The following SPPL3 variants were observed in gnomAD, a reference collection of about 807,000 sequenced individuals.
The protein encoded by SPPL3 is signal peptide peptidase-like 3.
In SPPL3, 5 loss-of-function variants were observed where a neutral mutation model predicts 42.4. That is an observed-to-expected ratio of 0.12 (90% CI 0.06 to 0.25). The LOEUF is 0.25. SPPL3 is among the 10% of genes least tolerant of loss of function. The pLI is 1.00. For synonymous variants in SPPL3, 195 were observed against 181.8 expected (o/e 1.07, Z -0.58); for missense variants, 235 against 489.0 (o/e 0.48, Z 4.90).
At chr12:120,875,743 T>C (rs1873066611) in intron 1 of SPPL3, among the ~76,000 whole-genome samples, 1 of 151,892 alleles carries the variant, frequency 6.6e-6, no homozygotes, top group Admixed American at 6.6e-5. Context: ...AAAAAAATTT[T>C]AACATAAGCA....
intron 1 of SPPL3, among the ~76,000 whole-genome samples, chr12:120,854,524 T>C (rs894752344): frequency 3.3e-5 from 5 of 152,160 alleles, no homozygotes; most frequent in African/African-American, 1.2e-4. Context: ...GCTACACCTA[T>C]AAATCACTAA....
intron 1 of SPPL3, among the ~76,000 whole-genome samples, chr12:120,844,073 A>G (rs1871933246): frequency 6.6e-6 from 1 of 152,242 alleles, no homozygotes; most frequent in African/African-American, 2.4e-5. Context: ...TGCCAGTCAT[A>G]TATTTGATTG....
rs1442426553 is a variant in SPPL3 at position 120,863,628 on chromosome 12, T to G, written c.23+40217A>C. On this transcript the variant is annotated intron_variant, in intron 1 of 10. Transcript: ENST00000353487. ...AATCGTAGATATTATTCTTCAATAC[T>G]GAAATGAAATTCTACAGATGGTAGG... Among the ~76,000 whole-genome samples, 2 of 152,268 alleles carry G rather than the reference T, an allele frequency of 1.3e-5. 1 individual carries two copies. Among genetic ancestry groups the G allele is most frequent in the Non-Finnish European group, 2.9e-5 (2 of 68,014 alleles).
At chr12:120,775,182 ACT>A (rs1045539704) in intron 6 of SPPL3, among the ~76,000 whole-genome samples, 1 of 152,064 alleles carries the variant, frequency 6.6e-6, no homozygotes, top group Non-Finnish European at 1.5e-5. Context: ...GCAGAGTCTC[ACT>A]CTGTTGCCCA....
At chr12:120,772,147 G>A (rs112550588) in intron 6 of SPPL3, among the ~76,000 whole-genome samples, 6,385 of 152,106 alleles carry the variant, frequency 0.042, 184 homozygotes, top group South Asian at 0.11. Flanking sequence ...TCAGCCTCCC[G>A]AGTAGCCGGG....
chr12:120,867,906 C>T (rs980427159), intron 1 of SPPL3, among the ~76,000 whole-genome samples: 7 of 151,888 alleles, frequency 4.6e-5, no homozygotes, highest in African/African-American at 1.7e-4. Context: ...TGCCACCACA[C>T]CCAGCTAAAT....
intron 1 of SPPL3, among the ~76,000 whole-genome samples, chr12:120,864,430 G>A (rs1323531163): frequency 6.6e-6 from 1 of 152,190 alleles, no homozygotes; most frequent in African/African-American, 2.4e-5. Flanking sequence ...AGCTACTTGG[G>A]AGGCTGAGGC....
intron 1 of SPPL3, among the ~76,000 whole-genome samples, chr12:120,828,454 G>A (rs1304981506): frequency 6.6e-6 from 1 of 151,674 alleles, no homozygotes; most frequent in African/African-American, 2.4e-5. Context: ...TCAAATAGAA[G>A]GAAGGAAGTA....
chr12:120,865,706 C>T (rs73214898), intron 1 of SPPL3, among the ~76,000 whole-genome samples: 6,360 of 152,260 alleles, frequency 0.042, 184 homozygotes, highest in South Asian at 0.12. Context: ...GAGGAGCCTA[C>T]GCTCTACAGC....
intron 2 of SPPL3, among the ~76,000 whole-genome samples, chr12:120,794,617 C>T (rs1034298773): frequency 3.3e-5 from 5 of 152,024 alleles, no homozygotes; most frequent in East Asian, 1.9e-4. Flanking sequence ...AGGCTGGTCT[C>T]GAACTCCTGA....
chr12:120,896,960 T>C (rs1241623186), intron 1 of SPPL3, among the ~76,000 whole-genome samples: 2 of 152,142 alleles, frequency 1.3e-5, no homozygotes, highest in Non-Finnish European at 2.9e-5. Flanking sequence ...TCACACACAG[T>C]TTCAGATGCC....
chr12:120,802,368 T>C lies in SPPL3; in HGVS notation c.101+8441A>G, dbSNP rs531924068. ...GTATGTATGTATGTGTGTATATATA[T>C]ACATATATATGTATATATATACACA... is the stretch of plus-strand genomic sequence containing the variant. On this transcript the variant is annotated intron_variant, in intron 2 of 10. Coordinates refer to ENST00000353487, the MANE Select transcript of SPPL3 (RefSeq NM_139015.5). Among the ~76,000 whole-genome samples the C allele has an allele frequency of 5.7e-3, 824 of 145,640 alleles. 11 individuals carry two copies. Among genetic ancestry groups the C allele is most frequent in the African/African-American group, 0.019 (741 of 38,392 alleles).
chr12:120,777,046 C>T (rs1025065562), intron 6 of SPPL3, among the ~76,000 whole-genome samples: 1 of 152,090 alleles, frequency 6.6e-6, no homozygotes, highest in Non-Finnish European at 1.5e-5. Context: ...ATGGGGGTGG[C>T]CTCTCAATCT....
chr12:120,862,341 C>T (rs1183633383), intron 1 of SPPL3, among the ~76,000 whole-genome samples: 2 of 152,112 alleles, frequency 1.3e-5, no homozygotes, highest in Non-Finnish European at 2.9e-5. Flanking sequence ...TCAATTCTGA[C>T]ACTATTACCC....
chr12:120,871,130 CAAAAAA>C (rs71453512), intron 1 of SPPL3, among the ~76,000 whole-genome samples: 20 of 51,712 alleles, frequency 3.9e-4, no homozygotes, highest in African/African-American at 1.1e-3. Flanking sequence ...ACTCCGTCTC[CAAAAAA>C]AAAAAAAAAA....
chr12:120,813,579 T>G (rs1592975655), intron 1 of SPPL3, among the ~76,000 whole-genome samples: 1 of 151,910 alleles, frequency 6.6e-6, no homozygotes, highest in Non-Finnish European at 1.5e-5. Context: ...CCTCGGCCTC[T>G]CAAAGTGCTG....
intron 1 of SPPL3, among the ~76,000 whole-genome samples, chr12:120,897,983 A>C (rs1240303679): frequency 4.6e-5 from 7 of 152,076 alleles, no homozygotes; most frequent in Non-Finnish European, 1.0e-4. Context: ...ACATCACCTC[A>C]ATATAATACA....
chr12:120,782,139 G>A (rs1869566884), intron 6 of SPPL3, among the ~76,000 whole-genome samples: 1 of 152,102 alleles, frequency 6.6e-6, no homozygotes. Context: ...CAATGTGCTG[G>A]GATTACAGGC....
intron 2 of SPPL3, among the ~76,000 whole-genome samples, chr12:120,807,165 A>C (rs1305188577): frequency 1.3e-5 from 2 of 152,206 alleles, no homozygotes; most frequent in African/African-American, 4.8e-5. Flanking sequence ...AAAGATGCTC[A>C]TCAACTTTCC....
Sources: allele counts gnomAD v4.1 joint callset (sites outside exome capture counted in the v4.1 genomes callset), GRCh38; gene constraint gnomAD v4.1.1; transcripts MANE v1.5; gene names NCBI Gene and HGNC (gene_info 2026-07-23, HGNC 2026-07-21).